GPR158: variants seen among roughly 807,000 people sequenced by gnomAD.
GPR158 encodes the protein metabotropic glycine receptor.
A neutral mutation model predicts 78.2 loss-of-function variants in GPR158; 30 were observed. The observed-to-expected ratio is 0.38, with a 90% CI of 0.29 to 0.52. GPR158 has a LOEUF of 0.52. Ranked by LOEUF, GPR158 falls within the 20% of genes least tolerant of loss-of-function variation. GPR158 has a pLI of 0.83. For missense variants in GPR158, 1,463 were observed against 1,523.5 expected (o/e 0.96, Z 0.66); for synonymous variants, 581 against 591.1 (o/e 0.98, Z 0.25).
chr10:25,469,584 A>G (rs1414516866), intron 5 of GPR158, among the ~76,000 whole-genome samples: 1 of 151,992 alleles, frequency 6.6e-6, no homozygotes, highest in Non-Finnish European at 1.5e-5. Flanking sequence ...GGAGATCGAG[A>G]CCATCCTGTC....
intron 2 of GPR158, among the ~76,000 whole-genome samples, chr10:25,317,722 T>TTTTTTTTTG (rs1306173483): frequency 7.1e-6 from 1 of 140,582 alleles, no homozygotes; most frequent in African/African-American, 3.0e-5. Context: ...AAGTGTTTTT[T>TTTTTTTTTG]TTTGTTTTGT....
At chr10:25,252,742 C>T (rs1161902684) in intron 2 of GPR158, among the ~76,000 whole-genome samples, 4 of 152,202 alleles carry the variant, frequency 2.6e-5, no homozygotes, top group Non-Finnish European at 5.9e-5. Flanking sequence ...ACATTTAAGT[C>T]TGCAGAGGTT....
At chr10:25,326,114 C>T (rs1052953274) in intron 2 of GPR158, among the ~76,000 whole-genome samples, 1 of 152,280 alleles carries the variant, frequency 6.6e-6, no homozygotes. Context: ...CTCCCCCTAA[C>T]AGGCTTCAGT....
At chr10:25,453,976 G>A (rs917423973) in intron 4 of GPR158, among the ~76,000 whole-genome samples, 1 of 152,070 alleles carries the variant, frequency 6.6e-6, no homozygotes, top group African/African-American at 2.4e-5. Context: ...AATGTCATTG[G>A]AATTTTGATA....
At chr10:25,224,362 T>C (rs1853343574) in intron 2 of GPR158, among the ~76,000 whole-genome samples, 1 of 151,822 alleles carries the variant, frequency 6.6e-6, no homozygotes, top group African/African-American at 2.4e-5. Flanking sequence ...TAAACATCAG[T>C]CCAAGGTATA....
At chr10:25,284,648 TATA>T (rs61301635) in intron 2 of GPR158, among the ~76,000 whole-genome samples, 12 of 152,098 alleles carry the variant, frequency 7.9e-5, no homozygotes, top group East Asian at 1.9e-4. Context: ...TGGATTAAAA[TATA>T]ATGTCTTGCT....
At position 25,267,472 on chromosome 10, in the gene GPR158, T is replaced by C. The variant is rs534877780; in HGVS notation, c.1008+46315T>C. 5.3e-5 allele frequency among the ~76,000 whole-genome samples: 8 copies of C among 152,218 alleles called. No individual in the cohort carries two copies. The South Asian group carries it at 1.7e-3, about 32-fold the overall frequency. On this transcript the variant is annotated intron_variant, in intron 2 of 10. Coordinates refer to ENST00000376351, the MANE Select transcript of GPR158 (RefSeq NM_020752.3). ...TCTCTACCTGATCCCTCCCACGACA[T>C]GTGGGAATTATGGGAACTACAATTC...
At chr10:25,427,254 G>A (rs1195599629) in intron 4 of GPR158, among the ~76,000 whole-genome samples, 2 of 152,022 alleles carry the variant, frequency 1.3e-5, no homozygotes, top group Admixed American at 1.3e-4. Flanking sequence ...TGACATGGGA[G>A]GCACTTACTC....
chr10:25,289,666 C>T (rs1463388596), intron 2 of GPR158, among the ~76,000 whole-genome samples: 2 of 152,012 alleles, frequency 1.3e-5, no homozygotes, highest in African/African-American at 2.4e-5. Flanking sequence ...TTGATCCGCC[C>T]TCCTCTGCCT....
chr10:25,240,082 G>T (rs1457947750), intron 2 of GPR158, among the ~76,000 whole-genome samples: 1 of 152,102 alleles, frequency 6.6e-6, no homozygotes, highest in East Asian at 1.9e-4. Context: ...TATTTCCAAA[G>T]GCATTGATTA....
At chr10:25,342,409 C>A (rs1855315234) in intron 2 of GPR158, among the ~76,000 whole-genome samples, 2 of 151,816 alleles carry the variant, frequency 1.3e-5, no homozygotes, top group South Asian at 4.1e-4. Context: ...TTTTCTTATT[C>A]TTTAATAAGC....
At chr10:25,228,889 T>C (rs1853410654) in intron 2 of GPR158, among the ~76,000 whole-genome samples, 2 of 151,778 alleles carry the variant, frequency 1.3e-5, no homozygotes, top group African/African-American at 4.8e-5. Flanking sequence ...CAAAAAATTA[T>C]TCGGTTGTGG....
At chr10:25,578,278 T>C (rs1482731821) in intron 7 of GPR158, among the ~76,000 whole-genome samples, 2 of 152,242 alleles carry the variant, frequency 1.3e-5, no homozygotes, top group African/African-American at 2.4e-5. Flanking sequence ...GACTTATCCC[T>C]GACACCGACA....
intron 4 of GPR158, among the ~76,000 whole-genome samples, chr10:25,465,747 C>T (rs1835412648): frequency 6.6e-6 from 1 of 152,148 alleles, no homozygotes; most frequent in Non-Finnish European, 1.5e-5. Context: ...TTTTTACCCA[C>T]CAACACTATC....
At chr10:25,521,231 G>A (rs1036068533) in intron 5 of GPR158, among the ~76,000 whole-genome samples, 5 of 152,156 alleles carry the variant, frequency 3.3e-5, no homozygotes, top group Non-Finnish European at 7.4e-5. Context: ...GCTCGCGCAC[G>A]GTGCACGCAC....
intron 1 of GPR158, among the ~76,000 whole-genome samples, chr10:25,189,834 ATG>A (rs56205437): frequency 0.032 from 3,897 of 120,384 alleles, 67 homozygotes; most frequent in African/African-American, 0.053. Flanking sequence ...AAAGGAAAGC[ATG>A]TGTGTGTGTG....
intron 5 of GPR158, among the ~76,000 whole-genome samples, chr10:25,536,366 G>GTATTT (rs1438815639): frequency 6.6e-6 from 1 of 152,098 alleles, no homozygotes; most frequent in African/African-American, 2.4e-5. Context: ...CCAAGTGTGT[G>GTATTT]TATTTTATTT....
At chr10:25,468,494 G>A (rs1372666915) in intron 5 of GPR158, among the ~76,000 whole-genome samples, 1 of 152,172 alleles carries the variant, frequency 6.6e-6, no homozygotes, top group Admixed American at 6.5e-5. Context: ...GCATATGAAA[G>A]GCAAAGTTGG....
At chr10:25,380,073 G>A (rs552376247) in intron 2 of GPR158, among the ~76,000 whole-genome samples, 5 of 151,986 alleles carry the variant, frequency 3.3e-5, no homozygotes, top group Admixed American at 1.3e-4. Flanking sequence ...ACTGAGTTCA[G>A]TTTTGTTCTT....
Sources: allele counts gnomAD v4.1 joint callset (sites outside exome capture counted in the v4.1 genomes callset), GRCh38; gene constraint gnomAD v4.1.1; transcripts MANE v1.5; gene names NCBI Gene and HGNC (gene_info 2026-07-23, HGNC 2026-07-21).